The following MYMX variants were observed in gnomAD, a reference collection of about 807,000 sequenced individuals.
The protein encoded by MYMX is protein myomixer.
the MYMX span, among the ~76,000 whole-genome samples, chr6:44,208,539 C>T: frequency 5.9e-5 from 9 of 152,174 alleles, no homozygotes; most frequent in Admixed American, 5.9e-4. Flanking sequence ...AACTGCCCTC[C>T]TCAAAATCTG....
At chr6:44,197,408 C>T in the MYMX span, among the ~76,000 whole-genome samples, 1 of 152,180 alleles carries the variant, frequency 6.6e-6, no homozygotes, top group African/African-American at 2.4e-5. Context: ...TGGCAGACGC[C>T]TGTAATGCCA....
At chr6:44,211,148 A>C in the MYMX span, among the ~76,000 whole-genome samples, 27 of 152,220 alleles carry the variant, frequency 1.8e-4, no homozygotes, top group Non-Finnish European at 8.8e-5. Flanking sequence ...ATACTTCTAG[A>C]AATTATAAAA....
the MYMX span, among the ~76,000 whole-genome samples, chr6:44,194,775 G>A: frequency 6.6e-6 from 1 of 152,168 alleles, no homozygotes; most frequent in East Asian, 1.9e-4. Context: ...AGAAACTTGA[G>A]GGAGGTCGGG....
At chr6:44,215,049 T>C (rs1028553615), upstream of MYMX, among the ~76,000 whole-genome samples, 4 of 152,202 alleles carry the variant, frequency 2.6e-5, no homozygotes, top group Non-Finnish European at 5.9e-5. Context: ...TCTCTTCTGC[T>C]TCCTTTAGGT....
At chr6:44,205,872 T>A in the MYMX span, among the ~76,000 whole-genome samples, 1 of 150,096 alleles carries the variant, frequency 6.7e-6, no homozygotes, top group East Asian at 2.0e-4. Context: ...CTCAGCTACT[T>A]GGGAGGCTGA....
chr6:44,210,315 G>A, the MYMX span, among the ~76,000 whole-genome samples: 8,273 of 151,894 alleles, frequency 0.054, 297 homozygotes, highest in Middle Eastern at 0.096. Context: ...TTGGAGACAG[G>A]ATCTCCTCTA....
the MYMX span, among the ~76,000 whole-genome samples, chr6:44,206,395 A>G: frequency 3.9e-5 from 6 of 151,908 alleles, no homozygotes; most frequent in East Asian, 1.2e-3. Flanking sequence ...ACGTCCAGCT[A>G]ATTTTTGTAT....
the MYMX span, among the ~76,000 whole-genome samples, chr6:44,207,954 G>A: frequency 6.6e-6 from 1 of 152,142 alleles, no homozygotes; most frequent in Admixed American, 6.6e-5. Flanking sequence ...TTGATCAAGT[G>A]CAGTGGCTTA....
chr6:44,217,330 T>C (rs1413380727), intron 1 of MYMX, 120 bp from the exon 2 acceptor site: 2 of 397,298 alleles, frequency 5.0e-6, no homozygotes, highest in Non-Finnish European at 8.9e-6. Context: ...GACCTACAAA[T>C]TGAGGTCAGG....
the MYMX span, among the ~76,000 whole-genome samples, chr6:44,192,946 CG>C: frequency 6.6e-6 from 1 of 152,226 alleles, no homozygotes; most frequent in East Asian, 1.9e-4. Flanking sequence ...TCCCAGCTAA[CG>C]TGACCGCTTC....
the MYMX span, among the ~76,000 whole-genome samples, chr6:44,208,280 T>C: frequency 1.3e-5 from 2 of 150,250 alleles, no homozygotes; most frequent in Non-Finnish European, 3.0e-5. Flanking sequence ...GAAAAAAACA[T>C]TTACAGCTCT....
chr6:44,198,662 A>G, the MYMX span, among the ~76,000 whole-genome samples: 16,703 of 151,622 alleles, frequency 0.11, 1,077 homozygotes, highest in Middle Eastern at 0.21. Flanking sequence ...ACCAGTGCCT[A>G]TATTTTATAG....
At chr6:44,208,045 T>C in the MYMX span, among the ~76,000 whole-genome samples, 1 of 152,024 alleles carries the variant, frequency 6.6e-6, no homozygotes, top group Non-Finnish European at 1.5e-5. Context: ...CTGGGCAACA[T>C]GGCAAAACCT....
At chr6:44,205,040 T>C in the MYMX span, among the ~76,000 whole-genome samples, 1 of 152,100 alleles carries the variant, frequency 6.6e-6, no homozygotes, top group Non-Finnish European at 1.5e-5. Flanking sequence ...TTATTTGATT[T>C]GGCCAACGGG....
chr6:44,207,876 A>G, the MYMX span, among the ~76,000 whole-genome samples: 499 of 152,270 alleles, frequency 3.3e-3, 5 homozygotes, highest in African/African-American at 0.012. Flanking sequence ...TGGGGCTTTA[A>G]ATGAAAAAGC....
At chr6:44,213,851 C>T (rs986347827), upstream of MYMX, among the ~76,000 whole-genome samples, 2 of 152,198 alleles carry the variant, frequency 1.3e-5, no homozygotes, top group African/African-American at 2.4e-5. Flanking sequence ...TACTCTGTCA[C>T]CCAGGCTGCT....
chr6:44,202,461 CAGG>C, the MYMX span, among the ~76,000 whole-genome samples: 1 of 149,476 alleles, frequency 6.7e-6, no homozygotes, highest in East Asian at 2.0e-4. Flanking sequence ...CTTAAGGAAA[CAGG>C]AGATTTGGTC....
the MYMX span, among the ~76,000 whole-genome samples, chr6:44,198,138 A>G: frequency 3.1e-4 from 45 of 144,814 alleles, no homozygotes; most frequent in Non-Finnish European, 3.0e-4. Flanking sequence ...ATAATTCTCT[A>G]CTATCCCAAA....
the MYMX span, among the ~76,000 whole-genome samples, chr6:44,206,370 C>G: frequency 1.3e-5 from 2 of 151,798 alleles, no homozygotes; most frequent in Non-Finnish European, 2.9e-5. Context: ...GCTGGGATTA[C>G]AGGCGCCCGC....
Sources: gnomAD v4.1 joint callset for allele counts (sites outside exome capture counted in the v4.1 genomes callset) on GRCh38, gnomAD v4.1.1 for gene constraint, MANE v1.5 for transcripts, NCBI Gene and HGNC (gene_info 2026-07-23, HGNC 2026-07-21) for gene names.